Variants in ASXL2 observed in about 807,000 individuals in gnomAD.
ASXL2 encodes the protein ASXL transcriptional regulator 2.
In ASXL2, 23 loss-of-function variants were observed where a neutral mutation model predicts 122.0. The ratio of observed to expected loss-of-function variants is 0.19; its 90% confidence interval spans 0.14 to 0.27. ASXL2 has a LOEUF of 0.27. ASXL2 is among the 10% of genes least tolerant of loss of function. ASXL2 has a pLI of 1.00. For missense variants in ASXL2, 1,518 were observed against 1,713.8 expected (o/e 0.89, Z 2.02); for synonymous variants, 650 against 637.0 (o/e 1.02, Z -0.31).
chr2:25,805,601 G>A (rs2089069591), intron 4 of ASXL2, among the ~76,000 whole-genome samples: 1 of 151,036 alleles, frequency 6.6e-6, no homozygotes, highest in African/African-American at 2.4e-5. Flanking sequence ...ATGCTCCAAA[G>A]AAACAATTAT....
chr2:25,873,512 TAA>T (rs2089981016), intron 1 of ASXL2, among the ~76,000 whole-genome samples: 1 of 152,066 alleles, frequency 6.6e-6, no homozygotes, highest in African/African-American at 2.4e-5. Flanking sequence ...TAAAGTTAAA[TAA>T]AGATGATTAA....
At chr2:25,774,045 A>T (rs1559507275) in intron 5 of ASXL2, among the ~76,000 whole-genome samples, 1 of 151,230 alleles carries the variant, frequency 6.6e-6, no homozygotes, top group Non-Finnish European at 1.5e-5. Flanking sequence ...AAAAAATAAT[A>T]TATATATATA....
intron 6 of ASXL2, among the ~76,000 whole-genome samples, chr2:25,770,964 G>A (rs375424193): frequency 2.6e-5 from 4 of 152,206 alleles, no homozygotes; most frequent in African/African-American, 9.7e-5. Flanking sequence ...CCGGCCAGGT[G>A]CGGTGGCACA....
At chr2:25,816,167 T>G (rs548607157) in intron 3 of ASXL2, among the ~76,000 whole-genome samples, 1 of 151,258 alleles carries the variant, frequency 6.6e-6, no homozygotes, top group South Asian at 2.1e-4. Context: ...GCTGATCACT[T>G]GAATCCAAGA....
intron 3 of ASXL2, among the ~76,000 whole-genome samples, chr2:25,818,404 G>A (rs553224735): frequency 7.0e-4 from 107 of 152,200 alleles, no homozygotes; most frequent in African/African-American, 2.5e-3. Flanking sequence ...CCAGCTACTC[G>A]GGAGGCTGAG....
At chr2:25,854,470 CACT>C (rs953607402) in intron 1 of ASXL2, among the ~76,000 whole-genome samples, 7 of 152,124 alleles carry the variant, frequency 4.6e-5, no homozygotes, top group African/African-American at 1.7e-4. Flanking sequence ...TGAAAAGAGC[CACT>C]GCTGCTGCTG....
Position 25,749,916 on chromosome 2 carries a change from T to C in ASXL2, c.1640A>G (p.Gln547Arg), listed in dbSNP as rs200858310. 2.7e-3 allele frequency: 4,346 copies of C among 1,613,870 alleles called. 7 individuals are homozygous for C. Among genetic ancestry groups the C allele is most frequent in the Non-Finnish European group, 3.5e-3 (4,104 of 1,179,850 alleles). ...IVKPTAGAGP[Q>R]ETNMKEPLAT... ...TAGAGGTTCTTTCATATTAGTCTCC[T>C]GTGGACCCGCTCCTGCTGTGGGCTT... Residue 547 changes from glutamine (Q) to arginine (R), a missense_variant, in exon 12 of 13, where the codon CAG becomes CGG. Around this residue, in one of 8 missense-constraint regions of ASXL2, gnomAD observed 292 missense variants for 293.5 expected, o/e 1.00. Transcript: ENST00000435504.
At chr2:25,795,004 T>C (rs986669955) in intron 5 of ASXL2, among the ~76,000 whole-genome samples, 3 of 152,206 alleles carry the variant, frequency 2.0e-5, no homozygotes, top group African/African-American at 7.2e-5. Flanking sequence ...ATCACATGTA[T>C]GACCCATGAA....
intron 3 of ASXL2, among the ~76,000 whole-genome samples, chr2:25,807,421 C>T (rs376342145): frequency 6.6e-6 from 1 of 152,204 alleles, no homozygotes; most frequent in African/African-American, 2.4e-5. Context: ...CCCCCCAAAA[C>T]ATTGGTGAAT....
At chr2:25,759,838 T>C (rs923665192) in intron 8 of ASXL2, among the ~76,000 whole-genome samples, 193 bp from the exon 9 acceptor site, 3 of 152,174 alleles carry the variant, frequency 2.0e-5, no homozygotes, top group Non-Finnish European at 4.4e-5. Context: ...TTATAGAGGA[T>C]AAAAGAATAC....
Position 25,742,936 on chromosome 2 carries a change from C to T in ASXL2, c.3401G>A (p.Gly1134Asp), listed in dbSNP as rs775377109. 1.9e-6 allele frequency: 3 copies of T among 1,613,858 alleles called. No individual in the cohort carries two copies. Among genetic ancestry groups the T allele is most frequent in the African/African-American group, 2.7e-5 (2 of 74,930 alleles). ...ATGGGTCCTCCTAAAGCTCTCTGAG[C>T]CCCGGCCGTAGGTAGAAATATTCAG... ...YLLNISTYGR[G>D]SESFRRTHSV... Residue 1134 changes from glycine (G) to aspartate (D), a missense_variant, in exon 13 of 13, where the codon GGC (glycine) becomes GAC (aspartate). Coordinates refer to ENST00000435504, the MANE Select transcript of ASXL2 (RefSeq NM_018263.6).
chr2:25,853,914 A>G (rs569746697), intron 1 of ASXL2, among the ~76,000 whole-genome samples: 20 of 152,252 alleles, frequency 1.3e-4, no homozygotes, highest in African/African-American at 4.6e-4. Context: ...TTCAGACACT[A>G]GTAAAAATGC....
At chr2:25,818,093 T>C (rs1048370693) in intron 3 of ASXL2, among the ~76,000 whole-genome samples, 3 of 152,260 alleles carry the variant, frequency 2.0e-5, no homozygotes, top group African/African-American at 7.2e-5. Flanking sequence ...TACATCAAAG[T>C]ATATTTTCAA....
rs1298209100 is a variant in ASXL2, at chr2:25,878,205, A to G, written c.18T>C (p.Arg6=). MREKG[R]RKKGRTWAEA... ...CCGCCCAGGTCCTGCCCTTCTTCCT[A>G]CGTCCCTTTTCCCTCATGTCGGGTC... Residue 6 remains arginine (R), a synonymous_variant, in exon 1 of 13, where the codon CGT becomes CGC. Coordinates refer to ENST00000435504, the MANE Select transcript of ASXL2 (RefSeq NM_018263.6). 3.5e-5 allele frequency: 57 copies of G among 1,613,300 alleles called. No individual in the cohort carries two copies. Among genetic ancestry groups the G allele is most frequent in the Non-Finnish European group, 4.7e-5 (56 of 1,179,720 alleles).
rs557287779 is a variant in ASXL2, at chr2:25,819,803, A to G, written c.144-13466T>C. Among the ~76,000 whole-genome samples, 9 of 152,366 alleles carry G rather than the reference A, an allele frequency of 5.9e-5. No individual in the cohort carries two copies. The East Asian group carries it at 1.7e-3, about 29-fold the overall frequency. On this transcript the variant is annotated intron_variant, in intron 3 of 12. Transcript: ENST00000435504. ...AATCTGGATAAAGTCTGATTAGATA[A>G]TATTGTGCCAATGTAGATTTCCTAT... is the stretch of plus-strand genomic sequence containing the variant.
At chr2:25,798,056 C>T (rs1470285726) in intron 5 of ASXL2, among the ~76,000 whole-genome samples, 5 of 152,170 alleles carry the variant, frequency 3.3e-5, no homozygotes, top group Admixed American at 6.5e-5. Context: ...TGACCTATTG[C>T]AAATGAATAC....
intron 1 of ASXL2, among the ~76,000 whole-genome samples, chr2:25,869,028 G>A (rs1232760334): frequency 2.0e-5 from 3 of 152,066 alleles, no homozygotes; most frequent in African/African-American, 7.2e-5. Flanking sequence ...AGCCAGGCAT[G>A]GTGGCAGACG....
In ASXL2 at chr2:25,738,761, T is replaced by C. The variant is rs1175981859; in HGVS notation, c.*3268A>G. The C allele has an allele frequency of 6.6e-6, 1 of 152,228 alleles. No individual in the cohort carries two copies. The highest frequency in any genetic ancestry group is 1.9e-4 in the East Asian group (1 of 5,202). The allele number at this position is 152,228 out of a possible 1,614,324, so 9.4% of individuals were successfully genotyped here. A position where few individuals can be genotyped will look rare whatever the true frequency, so the allele number is the denominator to read the frequency against. ...ACCTGGAAGGCAATGAGGTCTTCCT[T>C]TGGCTATTTAAATCTGAGATAAGCT... is the stretch of plus-strand genomic sequence containing the variant. On this transcript the variant is annotated 3_prime_UTR_variant, in exon 13 of 13. Transcript: ENST00000435504.
At chr2:25,813,252 G>C (rs904654964) in intron 3 of ASXL2, among the ~76,000 whole-genome samples, 1 of 152,144 alleles carries the variant, frequency 6.6e-6, no homozygotes, top group Non-Finnish European at 1.5e-5. Flanking sequence ...ACACCACACT[G>C]TGACCAGTGC....
Sources: allele counts gnomAD v4.1 joint callset (sites outside exome capture counted in the v4.1 genomes callset), GRCh38; gene constraint gnomAD v4.1.1; regional missense constraint gnomAD v4.1.1; transcripts MANE v1.5; gene names NCBI Gene and HGNC (gene_info 2026-07-23, HGNC 2026-07-21).